The following ADAMTS16 variants were observed in gnomAD, a reference collection of about 807,000 sequenced individuals.
ADAMTS16 encodes ADAM metallopeptidase with thrombospondin type 1 motif 16, also known as A disintegrin and metalloproteinase with thrombospondin motifs 16.
In ADAMTS16, 94 loss-of-function variants were observed where a neutral mutation model predicts 145.8. The ratio of observed to expected loss-of-function variants is 0.64; its 90% CI spans 0.55 to 0.77. The LOEUF is 0.77. ADAMTS16 is among the 30% of genes least tolerant of loss of function. ADAMTS16 has a pLI of 0.00. For missense variants in ADAMTS16, 1,585 were observed against 1,591.5 expected (o/e 1.00, Z 0.07); for synonymous variants, 659 against 604.3 (o/e 1.09, Z -1.33).
rs758166784 is a variant in ADAMTS16, at chr5:5,182,294, G to A, written c.752G>A (p.Arg251Lys). The change falls in exon 4 of 23, where the codon AGA becomes AAA. Residue 251 changes from arginine to lysine, a missense_variant. Around this residue, in one of 3 missense-constraint regions of ADAMTS16, gnomAD observed 453 missense variants for 412.1 expected, o/e 1.10. Coordinates refer to ENST00000274181, the MANE Select transcript of ADAMTS16 (RefSeq NM_139056.4). ...GLPQKQHFCG[R>K]RKKYMPQPPK... ...CCACAAAAGCAGCATTTCTGTGGAA[G>A]ACGCAAGAAATGTATGTAAGGGCGA... is the stretch of plus-strand genomic sequence containing the variant. 11 of 1,612,552 alleles carry A rather than the reference G, an allele frequency of 6.8e-6. No homozygotes were observed. Among genetic ancestry groups the A allele is most frequent in the South Asian group, 1.1e-5 (1 of 90,966 alleles).
intron 3 of ADAMTS16, among the ~76,000 whole-genome samples, chr5:5,155,427 G>A (rs1187054905): frequency 6.6e-6 from 1 of 152,194 alleles, no homozygotes; most frequent in Non-Finnish European, 1.5e-5. Flanking sequence ...TTTGAAGAGA[G>A]AGAATTAATA....
At chr5:5,309,855 T>TGTGTGTGTGTGC (rs1025058238) in intron 21 of ADAMTS16, among the ~76,000 whole-genome samples, 131 of 149,802 alleles carry the variant, frequency 8.7e-4, no homozygotes, top group African/African-American at 2.9e-3. Context: ...TGTGTGTGTG[T>TGTGTGTGTGTGC]GCATGTGATC....
rs78309555 is a variant in ADAMTS16 at position 5,196,909 on chromosome 5, G to A, written c.1314-3223G>A. ...GAATGACAGAGCCAAGACCCTGACT[G>A]AGGTCCCTGCACCTCCACAGCCCAT... is the stretch of plus-strand genomic sequence containing the variant. On this transcript the variant is annotated intron_variant, in intron 8 of 22. Coordinates refer to ENST00000274181, the MANE Select transcript of ADAMTS16 (RefSeq NM_139056.4). 3.0e-4 allele frequency among the ~76,000 whole-genome samples: 45 copies of A among 152,324 alleles called. No individual in the cohort carries two copies. In the East Asian group the frequency reaches 8.3e-3, roughly 28 times the overall value.
intron 18 of ADAMTS16, among the ~76,000 whole-genome samples, chr5:5,302,758 G>A (rs999029532): frequency 9.9e-5 from 15 of 152,108 alleles, no homozygotes; most frequent in African/African-American, 3.4e-4. Context: ...GGATGTTAAC[G>A]AATCATTAAT....
intron 14 of ADAMTS16, 38 bp downstream of exon 14, chr5:5,237,137 G>A (rs1737133098): frequency 6.3e-6 from 10 of 1,599,348 alleles, no homozygotes; most frequent in African/African-American, 4.0e-5. Flanking sequence ...AAATGATTCC[G>A]GACAGTCTGC....
intron 4 of ADAMTS16, among the ~76,000 whole-genome samples, chr5:5,185,373 C>G (rs962233829): frequency 6.6e-6 from 1 of 152,176 alleles, no homozygotes. Context: ...TCCACTAAAC[C>G]TAATTGTTTT....
In ADAMTS16 at chr5:5,210,819, T is replaced by C. The variant is rs144240677; in HGVS notation, c.1605+1573T>C. 4.1e-3 allele frequency among the ~76,000 whole-genome samples: 621 copies of C among 152,322 alleles called. 5 individuals carry two copies. The highest frequency in any genetic ancestry group is 0.014 in the African/African-American group (585 of 41,570). ...ATTGTCAAATCTTTCCCTACGTCTA[T>C]TGATATAGTTATATTGTTTCCTCCT... On this transcript the variant is annotated intron_variant, in intron 10 of 22. Coordinates refer to ENST00000274181, the MANE Select transcript of ADAMTS16 (RefSeq NM_139056.4).
At chr5:5,212,218 T>TG (rs1288063299) in intron 10 of ADAMTS16, among the ~76,000 whole-genome samples, 3 of 135,742 alleles carry the variant, frequency 2.2e-5, no homozygotes, top group African/African-American at 7.5e-5. Context: ...TGTTTTGTTT[T>TG]TTTTTTTGAG....
chr5:5,168,649 T>TTTTTATATATTAAATATAA (rs1553987490), intron 3 of ADAMTS16, among the ~76,000 whole-genome samples: 6 of 103,020 alleles, frequency 5.8e-5, no homozygotes, highest in Admixed American at 1.1e-4. Flanking sequence ...TATAATTATA[T>TTTTTATATATTAAATATAA]TTATATATTA....
At chr5:5,192,881 G>A (rs979238045) in intron 8 of ADAMTS16, among the ~76,000 whole-genome samples, 11 of 152,184 alleles carry the variant, frequency 7.2e-5, no homozygotes, top group Admixed American at 6.5e-4. Context: ...AGCAGCTGGG[G>A]ACTTCCTGCA....
Position 5,258,732 on chromosome 5 carries a change from G to A in ADAMTS16, c.2663-3925G>A, listed in dbSNP as rs138181125. Among the ~76,000 whole-genome samples the A allele has an allele frequency of 8.1e-4, 123 of 152,292 alleles. 7 individuals are homozygous for A. The East Asian group carries it at 0.02, about 25-fold the overall frequency. On this transcript the variant is annotated intron_variant, in intron 17 of 22. Transcript: ENST00000274181. The stretch of plus-strand genomic sequence containing the variant: ...TGCAGGGCAGGGTCACAGCATCACA[G>A]GCCTAGAAGGGCAAGGCTGGGAAGT...
intron 10 of ADAMTS16, among the ~76,000 whole-genome samples, chr5:5,216,414 T>A (rs1736443808): frequency 9.9e-5 from 15 of 151,990 alleles, no homozygotes. Flanking sequence ...TCATTGTAGA[T>A]CCTGGATATT....
chr5:5,225,028 A>G (rs1736718996), intron 11 of ADAMTS16, among the ~76,000 whole-genome samples: 1 of 152,194 alleles, frequency 6.6e-6, no homozygotes, highest in Non-Finnish European at 1.5e-5. Context: ...TTGTACCAAA[A>G]AAAAACAAAA....
At chr5:5,270,778 A>G (rs1262002972) in intron 18 of ADAMTS16, among the ~76,000 whole-genome samples, 1 of 152,168 alleles carries the variant, frequency 6.6e-6, no homozygotes, top group Non-Finnish European at 1.5e-5. Context: ...TCCTGATTAA[A>G]TGTTCAGGAA....
chr5:5,245,980 G>C (rs146951522), intron 17 of ADAMTS16, among the ~76,000 whole-genome samples: 1 of 152,132 alleles, frequency 6.6e-6, no homozygotes, highest in Admixed American at 6.5e-5. Context: ...AACTCAAATA[G>C]GGAAACAGCA....
chr5:5,300,425 A>C (rs1268257545), intron 18 of ADAMTS16, among the ~76,000 whole-genome samples: 4 of 152,156 alleles, frequency 2.6e-5, no homozygotes, highest in Non-Finnish European at 5.9e-5. Flanking sequence ...GACACTGGAA[A>C]ATGGAAGCAT....
At chr5:5,217,795 C>T (rs187372906) in intron 10 of ADAMTS16, among the ~76,000 whole-genome samples, 2 of 152,156 alleles carry the variant, frequency 1.3e-5, no homozygotes, top group African/African-American at 2.4e-5. Context: ...AAATACTCTG[C>T]GTAGGTTTTG....
chr5:5,301,870 C>A (rs1478992877), intron 18 of ADAMTS16, among the ~76,000 whole-genome samples: 1 of 152,304 alleles, frequency 6.6e-6, no homozygotes, highest in East Asian at 1.9e-4. Context: ...GCAGGCAGAG[C>A]CTCGCAGGCG....
intron 3 of ADAMTS16, among the ~76,000 whole-genome samples, chr5:5,147,437 G>T (rs1166144995): frequency 6.6e-6 from 1 of 152,174 alleles, no homozygotes; most frequent in Non-Finnish European, 1.5e-5. Flanking sequence ...GATTTTGTGT[G>T]TGTGAATTTT....
Sources: gnomAD v4.1 joint callset for allele counts (sites outside exome capture counted in the v4.1 genomes callset) on GRCh38, gnomAD v4.1.1 for gene constraint, gnomAD v4.1.1 regional missense constraint, MANE v1.5 for transcripts, NCBI Gene and HGNC (gene_info 2026-07-23, HGNC 2026-07-21) for gene names.